GTPBP4: variants seen among roughly 807,000 people sequenced by gnomAD.
The protein encoded by GTPBP4 is GTP-binding protein 4.
GTPBP4 carries 15 observed loss-of-function variants against 81.7 expected under a neutral mutation model. The observed-to-expected ratio is 0.18, with a 90% CI of 0.12 to 0.28. The LOEUF (loss-of-function observed/expected upper bound fraction) is 0.28, where lower values mean the gene tolerates loss of function less well. GTPBP4 is among the 10% of genes least tolerant of loss of function. The pLI is 1.00. For missense variants in GTPBP4, 847 were observed against 793.8 expected (o/e 1.07, Z -0.81); for synonymous variants, 272 against 274.6 (o/e 0.99, Z 0.09).
intron 10 of GTPBP4, among the ~76,000 whole-genome samples, chr10:1,008,682 G>A (rs1380033471): frequency 6.6e-6 from 1 of 151,886 alleles, no homozygotes; most frequent in Non-Finnish European, 1.5e-5. Flanking sequence ...TGTTTTTCCT[G>A]GATAAACTTT....
Position 1,017,266 on chromosome 10 carries a change from G to A in GTPBP4, c.*39G>A. 1 of 1,585,156 alleles carries A rather than the reference G, an allele frequency of 6.3e-7. No homozygotes were observed. Among genetic ancestry groups the A allele is most frequent in the Non-Finnish European group, 8.6e-7 (1 of 1,156,984 alleles). ...GGCGTGGCTTCGCTAGAGTGTTGCTGTTTATTTCCTGGTTTGGCACAGTAT... is the reference window on the plus strand; with the variant it reads ...GGCGTGGCTTCGCTAGAGTGTTGCTATTTATTTCCTGGTTTGGCACAGTAT... On this transcript the variant is annotated 3_prime_UTR_variant, in exon 17 of 17. Transcript: ENST00000360803.
chr10:1,011,007 CACCCTGTGTCT>C (rs1831854642), intron 13 of GTPBP4, among the ~76,000 whole-genome samples: 1 of 141,474 alleles, frequency 7.1e-6, no homozygotes, highest in Non-Finnish European at 1.6e-5. Flanking sequence ...CCTTCCCCCC[CACCCTGTGTCT>C]CCGCCAGGCC....
Position 996,151 on chromosome 10 carries a change from C to G in GTPBP4, c.369C>G (p.Leu123=), listed in dbSNP as rs1202232377. The part of the protein sequence containing the change: ...YVRLMKYGDS[L]YRCKQLKRAA... Reference sequence around the variant, plus strand: ...GACTGATGAAGTATGGCGACTCTCTCTACCGCTGCAAACAGCTGAAGCGTG... The same window carrying G: ...GACTGATGAAGTATGGCGACTCTCTGTACCGCTGCAAACAGCTGAAGCGTG... The change falls in exon 4 of 17, where the codon CTC becomes CTG. Residue 123 remains leucine, a synonymous_variant. Transcript: ENST00000360803. 3.1e-6 allele frequency: 5 copies of G among 1,612,006 alleles called. No individual in the cohort carries two copies. The highest frequency in any genetic ancestry group is 1.3e-5 in the African/African-American group (1 of 74,898).
In GTPBP4 at chr10:1,017,228, T is replaced by C. The variant is rs145566026; in HGVS notation, c.*1T>C. The C allele has an allele frequency of 4.9e-5, 79 of 1,613,214 alleles. No homozygotes were observed. The highest frequency in any genetic ancestry group is 6.1e-5 in the Non-Finnish European group (72 of 1,179,524). On this transcript the variant is annotated 3_prime_UTR_variant, in exon 17 of 17. Transcript: ENST00000360803. ...AGCTGGTAAAAAGGACAGGAGATAG[T>C]ATCCGTTTGGTTGGCGTGGCTTCGC...
At chr10:1,003,179 C>T (rs1344386486) in intron 8 of GTPBP4, among the ~76,000 whole-genome samples, 2 of 151,980 alleles carry the variant, frequency 1.3e-5, no homozygotes, top group African/African-American at 4.8e-5. Context: ...ATCCAGTGTG[C>T]TGTTAAAACT....
chr10:1,006,220 C>A (rs908543361), intron 9 of GTPBP4, among the ~76,000 whole-genome samples: 10 of 152,318 alleles, frequency 6.6e-5, no homozygotes, highest in African/African-American at 2.4e-4. Flanking sequence ...TTTTATGGAA[C>A]CTGTTCGAAG....
intron 14 of GTPBP4, among the ~76,000 whole-genome samples, chr10:1,013,795 T>G (rs888869758): frequency 6.6e-6 from 1 of 152,190 alleles, no homozygotes; most frequent in African/African-American, 2.4e-5. Flanking sequence ...TCAGTGGGTC[T>G]TCCTGTTTGA....
chr10:1,008,401 G>T lies in GTPBP4; in HGVS notation c.1114-557G>T, dbSNP rs1165593296. 1.2e-5 allele frequency: 4 copies of T among 343,740 alleles called. No homozygotes were observed. The Admixed American group carries it at 1.2e-4, about 10-fold the overall frequency. 21.3% of individuals were successfully genotyped at this position (343,740 alleles called of 1,614,324 possible). A position where few individuals can be genotyped will look rare whatever the true frequency, so the allele number is the denominator to read the frequency against. On this transcript the variant is annotated intron_variant, in intron 10 of 16. Transcript: ENST00000360803. ...GCCTGGGTGACAAGAGTGAGACTCT[G>T]TCAAAAAAAAAAAATTATCTTTTAT...
At chr10:1,001,932 T>G (rs1831642056) in intron 8 of GTPBP4, among the ~76,000 whole-genome samples, 1 of 46,438 alleles carries the variant, frequency 2.2e-5, no homozygotes, top group East Asian at 1.0e-3. Context: ...TTTATTTTTG[T>G]TTTTTTTTTG....
At chr10:997,429 G>A (rs915575435) in intron 5 of GTPBP4, 121 bp downstream of exon 5, 8 of 738,742 alleles carry the variant, frequency 1.1e-5, no homozygotes, top group African/African-American at 7.0e-5. Context: ...TTCTGACTGC[G>A]TGGGATTCAG....
At chr10:1,001,925 A>ATTTTTTTTT (rs1258782640) in intron 8 of GTPBP4, among the ~76,000 whole-genome samples, 1 of 125,428 alleles carries the variant, frequency 8.0e-6, no homozygotes, top group African/African-American at 2.8e-5. Flanking sequence ...TTTTTATTTT[A>ATTTTTTTTT]TTTTTGTTTT....
intron 1 of GTPBP4, among the ~76,000 whole-genome samples, chr10:991,314 A>C (rs1422964701): frequency 6.6e-6 from 1 of 152,228 alleles, no homozygotes; most frequent in African/African-American, 2.4e-5. Flanking sequence ...CAAATTGTTG[A>C]ATTAATCAAA....
At position 1,000,707 on chromosome 10, in the gene GTPBP4, C is replaced by T. The variant is rs146972123; in HGVS notation, c.685C>T (p.Pro229Ser). The T allele has an allele frequency of 1.9e-6, 3 of 1,554,950 alleles. No individual in the cohort carries two copies. The African/African-American group carries it at 4.1e-5, about 21-fold the overall frequency. Reference sequence around the variant, plus strand: ...AGACACTCCTGGGATCCTGGACCACCCTCTGGAGGATAGGAACACCATCGA... The same window carrying T: ...AGACACTCCTGGGATCCTGGACCACTCTCTGGAGGATAGGAACACCATCGA... Reference protein sequence around the residue: ...VVDTPGILDHPLEDRNTIEMQ... With the variant: ...VVDTPGILDHSLEDRNTIEMQ... Residue 229 changes from proline to serine, a missense_variant, in exon 7 of 17, where the codon CCT (proline) becomes TCT (serine). By Grantham distance (74) the Pro-to-Ser change is moderately conservative. This residue lies in a region of GTPBP4 where 600 missense variants were observed against 557.1 expected (regional missense o/e 1.08). Coordinates refer to ENST00000360803, the MANE Select transcript of GTPBP4 (RefSeq NM_012341.3).
Position 1,000,887 on chromosome 10 carries a change from GT to G in GTPBP4, c.846+23del. 6 of 1,611,920 alleles carry G rather than the reference GT, an allele frequency of 3.7e-6. No homozygotes were observed. Among genetic ancestry groups the G allele is most frequent in the Non-Finnish European group, 5.1e-6 (6 of 1,178,168 alleles). Reference sequence around the variant, plus strand: ...CAACAAGGTGTGTGTGGTCACTCATGTTTTGCTTCATATCCTGCAGTACGAG... The same window carrying G: ...CAACAAGGTGTGTGTGGTCACTCATGTTTGCTTCATATCCTGCAGTACGAG... On this transcript the variant is annotated intron_variant, in intron 7 of 16. Transcript: ENST00000360803.
chr10:989,283 T>C (rs545557788), intron 1 of GTPBP4, among the ~76,000 whole-genome samples: 19 of 151,872 alleles, frequency 1.3e-4, no homozygotes, highest in Non-Finnish European at 2.5e-4. Context: ...CCCAGCTAAT[T>C]TTCGTATTTT....
intron 6 of GTPBP4, 150 bp downstream of exon 6, chr10:999,245 A>C (rs1831583452): frequency 1.7e-6 from 1 of 605,020 alleles, no homozygotes; most frequent in South Asian, 1.9e-5. Context: ...CAGCCTTTCG[A>C]GTAGCAGGGA....
rs991094617 is a variant in GTPBP4 at position 1,017,961 on chromosome 10, T to A, written c.*734T>A. ...GCTGGGGAGCGTTGGGGTGAAGAGC[T>A]GTGGGGTCGGAGGGACCTGCCCAGG... On this transcript the variant is annotated 3_prime_UTR_variant, in exon 17 of 17. Coordinates refer to ENST00000360803, the MANE Select transcript of GTPBP4 (RefSeq NM_012341.3). 1 of 152,162 alleles carries A rather than the reference T, an allele frequency of 6.6e-6. No individual in the cohort carries two copies. The highest frequency in any genetic ancestry group is 1.5e-5 in the Non-Finnish European group (1 of 68,046). The allele number at this position is 152,162 out of a possible 1,614,324, so 9.4% of individuals were successfully genotyped here.
chr10:997,387 C>A, intron 5 of GTPBP4, 79 bp downstream of exon 5: 1 of 839,680 alleles, frequency 1.2e-6, no homozygotes, highest in South Asian at 1.3e-5. Flanking sequence ...GCGTGGGATT[C>A]AGGATGGCCT....
At chr10:994,868 C>A (rs1384241935) in intron 2 of GTPBP4, among the ~76,000 whole-genome samples, 2 of 152,170 alleles carry the variant, frequency 1.3e-5, no homozygotes, top group African/African-American at 4.8e-5. Flanking sequence ...TCCTAGGAAT[C>A]CAGAAGTGGT....
Sources: gnomAD v4.1 joint callset for allele counts (sites outside exome capture counted in the v4.1 genomes callset) on GRCh38, gnomAD v4.1.1 for gene constraint, gnomAD v4.1.1 regional missense constraint, MANE v1.5 for transcripts, NCBI Gene and HGNC (gene_info 2026-07-23, HGNC 2026-07-21) for gene names.